The following OTUD7B variants were observed in gnomAD, a reference collection of about 807,000 sequenced individuals.
OTUD7B encodes the protein OTU domain-containing protein 7B.
Under a neutral mutation model 82.2 loss-of-function variants are expected in OTUD7B, and 34 were observed. The observed-to-expected ratio is 0.41, with a 90% confidence interval of 0.31 to 0.55. The LOEUF is 0.55. Among genes scored for constraint, OTUD7B ranks in the 20% least tolerant of loss-of-function variants. OTUD7B has a pLI of 0.20. For synonymous variants in OTUD7B, 398 were observed against 402.7 expected (o/e 0.99, Z 0.14); for missense variants, 944 against 1,062.1 (o/e 0.89, Z 1.55).
At chr1:149,988,755 C>T (rs1460581982) in intron 1 of OTUD7B, among the ~76,000 whole-genome samples, 1 of 152,066 alleles carries the variant, frequency 6.6e-6, no homozygotes, top group Non-Finnish European at 1.5e-5. Flanking sequence ...TGTTTTATTC[C>T]TTTCAACTAA....
At chr1:150,066,028 T>C in the OTUD7B span, among the ~76,000 whole-genome samples, 1 of 152,186 alleles carries the variant, frequency 6.6e-6, no homozygotes, top group Admixed American at 6.5e-5. This position sits in a 1 kb window ranked among gnomAD's most constrained non-coding sequence, Gnocchi z 4.6. Context: ...CATCTATTGC[T>C]TACAGACTGA....
chr1:150,046,056 A>G, the OTUD7B span, among the ~76,000 whole-genome samples: 2 of 152,206 alleles, frequency 1.3e-5, no homozygotes. Flanking sequence ...CAAATATCCA[A>G]ATAGTTTTGT....
At chr1:150,064,936 A>G in the OTUD7B span, among the ~76,000 whole-genome samples, 1 of 152,176 alleles carries the variant, frequency 6.6e-6, no homozygotes, top group African/African-American at 2.4e-5. Context: ...GTGGGGGAAA[A>G]TCATGATTTT....
At chr1:149,990,862 A>T (rs1254040640) in intron 1 of OTUD7B, among the ~76,000 whole-genome samples, 1 of 152,086 alleles carries the variant, frequency 6.6e-6, no homozygotes, top group African/African-American at 2.4e-5. Context: ...ATGGTGGCAC[A>T]TGCTTGTAAT....
At chr1:149,967,012 A>G (rs1397599990) in intron 4 of OTUD7B, among the ~76,000 whole-genome samples, 1 of 151,210 alleles carries the variant, frequency 6.6e-6, no homozygotes, top group Non-Finnish European at 1.5e-5. Context: ...AGGGCCAATT[A>G]TAATTAGTTG....
At chr1:149,994,379 G>C (rs1553782893) in intron 1 of OTUD7B, among the ~76,000 whole-genome samples, 5 of 151,780 alleles carry the variant, frequency 3.3e-5, no homozygotes, top group Admixed American at 6.6e-5. Flanking sequence ...TCAAGAGATC[G>C]AGACCATCCT....
chr1:150,000,466 C>A (rs1652203561), intron 1 of OTUD7B, among the ~76,000 whole-genome samples: 1 of 151,576 alleles, frequency 6.6e-6, no homozygotes, highest in South Asian at 2.1e-4. Flanking sequence ...CGGAGCAAGA[C>A]CCTGTCTTAA....
chr1:150,024,633 T>G, the OTUD7B span, among the ~76,000 whole-genome samples: 1 of 152,336 alleles, frequency 6.6e-6, no homozygotes, highest in South Asian at 2.1e-4. Context: ...ATAGAACTAA[T>G]AGCAGCTGCC....
the OTUD7B span, chr1:150,053,813 A>G: frequency 4.3e-6 from 1 of 230,756 alleles, no homozygotes; most frequent in Admixed American, 5.7e-5. Context: ...ACCATCTCAC[A>G]CCAGTCAGAA....
At chr1:150,043,898 T>A in the OTUD7B span, among the ~76,000 whole-genome samples, 2 of 152,060 alleles carry the variant, frequency 1.3e-5, no homozygotes, top group African/African-American at 2.4e-5. Flanking sequence ...ATTACAAGAT[T>A]ACTTGAGCCC....
At chr1:149,957,632 A>C (rs753955594) in intron 7 of OTUD7B, among the ~76,000 whole-genome samples, 1 of 152,198 alleles carries the variant, frequency 6.6e-6, no homozygotes, top group Non-Finnish European at 1.5e-5. Context: ...CTGCCGCCAG[A>C]GGTGGAGTCT....
chr1:150,036,630 G>A, the OTUD7B span, among the ~76,000 whole-genome samples: 293 of 152,090 alleles, frequency 1.9e-3, 1 homozygote, highest in Middle Eastern at 0.024. Flanking sequence ...CCATTTTTCC[G>A]TTGCTGAAAT....
Position 149,951,282 on chromosome 1 carries a change from T to G in OTUD7B, c.846-1061A>C, listed in dbSNP as rs587677765. Among the ~76,000 whole-genome samples the G allele has an allele frequency of 1.9e-3, 287 of 151,740 alleles. 2 individuals carry two copies. Among genetic ancestry groups the G allele is most frequent in the African/African-American group, 6.7e-3 (277 of 41,380 alleles). The stretch of plus-strand genomic sequence containing the variant: ...CACTGTGCCTGGCAATTTTTTAAAT[T>G]TTTAGTAGAGACGGGGTTTCACCGT... On this transcript the variant is annotated intron_variant, in intron 7 of 11. Coordinates refer to ENST00000581312, the MANE Select transcript of OTUD7B (RefSeq NM_020205.4).
In OTUD7B at chr1:149,992,467, GTTTTTT is replaced by G. The variant is rs1166098299; in HGVS notation, c.-66-14897_-66-14892del. Among the ~76,000 whole-genome samples, 8 of 61,570 alleles carry G rather than the reference GTTTTTT, an allele frequency of 1.3e-4. No homozygotes were observed. The South Asian group carries it at 3.1e-3, about 24-fold the overall frequency. The allele number at this position is 61,570 out of a possible 152,430, so 40.4% of individuals were successfully genotyped here. On this transcript the variant is annotated intron_variant, in intron 1 of 11. Coordinates refer to ENST00000581312, the MANE Select transcript of OTUD7B (RefSeq NM_020205.4). The stretch of plus-strand genomic sequence containing the variant: ...TATCTAAATTGTTTTGTGTGCATGT[GTTTTTT>G]TTTTTTTTTTTTTTTTTTTTAGTAC...
At chr1:149,996,954 G>C (rs1651963194) in intron 1 of OTUD7B, among the ~76,000 whole-genome samples, 1 of 152,118 alleles carries the variant, frequency 6.6e-6, no homozygotes, top group African/African-American at 2.4e-5. Context: ...CTTAATAACA[G>C]GCACAAGGAT....
chr1:149,964,187 T>C, intron 6 of OTUD7B, 35 bp downstream of exon 6: 2 of 1,605,628 alleles, frequency 1.2e-6, no homozygotes, highest in Non-Finnish European at 1.7e-6. Flanking sequence ...TTGGTAACTT[T>C]AGGAAACAAG....
chr1:149,999,438 T>C (rs1652134051), intron 1 of OTUD7B, among the ~76,000 whole-genome samples: 1 of 152,240 alleles, frequency 6.6e-6, no homozygotes, highest in Non-Finnish European at 1.5e-5. Context: ...CAGAGAATCC[T>C]GTCCCTTAGA....
chr1:149,964,844 T>C (rs1649417030), intron 5 of OTUD7B, among the ~76,000 whole-genome samples: 1 of 151,664 alleles, frequency 6.6e-6, no homozygotes, highest in Non-Finnish European at 1.5e-5. Flanking sequence ...TCCACCCACC[T>C]TGGCATCCCA....
chr1:149,940,252 T>C lies in OTUD7B; in HGVS notation c.*3605A>G, dbSNP rs1213939707. ...AAAAACTGAGCTAATAGAGGGAAGG[T>C]ACTTCCCTTCCACTGCCCTCTACAG... On this transcript the variant is annotated 3_prime_UTR_variant, in exon 12 of 12. Transcript: ENST00000581312. The C allele has an allele frequency of 6.6e-6, 1 of 151,642 alleles. No homozygotes were observed. The highest frequency in any genetic ancestry group is 2.4e-5 in the African/African-American group (1 of 41,278). The allele number at this position is 151,642 out of a possible 1,614,324, so 9.4% of individuals were successfully genotyped here.
Sources: gnomAD v4.1 joint callset for allele counts (sites outside exome capture counted in the v4.1 genomes callset) on GRCh38, gnomAD v4.1.1 for gene constraint, Gnocchi (gnomAD v3.1) non-coding constraint, MANE v1.5 for transcripts, NCBI Gene and HGNC (gene_info 2026-07-23, HGNC 2026-07-21) for gene names.